The following STPG2 variants were observed in gnomAD, a reference collection of about 807,000 sequenced individuals.
The protein encoded by STPG2 is sperm tail PG-rich repeat containing 2.
In STPG2, 56 loss-of-function variants were observed where a neutral mutation model predicts 54.2. The observed-to-expected ratio is 1.03, with a 90% CI of 0.83 to 1.29. The LOEUF (loss-of-function observed/expected upper bound fraction) is 1.29, where lower values mean the gene tolerates loss of function less well. Ranked by LOEUF, STPG2 falls within the 50% of genes most tolerant of loss-of-function variation. The probability of loss-of-function intolerance (pLI) is 0.00; values close to 1 mark genes in which losing one functional copy is unlikely to be tolerated. For synonymous variants in STPG2, 200 were observed against 181.8 expected, an observed-to-expected ratio of 1.10 and a Z score of -0.81; for missense variants, 596 against 544.9, an observed-to-expected ratio of 1.09 and a Z score of -0.93.
chr4:97,715,940 A>G (rs1724272276), intron 9 of STPG2, among the ~76,000 whole-genome samples: 2 of 152,228 alleles, frequency 1.3e-5, no homozygotes, highest in Admixed American at 6.5e-5. Context: ...TTTGCAATCT[A>G]CCCATCTGAC....
At chr4:97,562,813 G>T (rs956012845) in intron 10 of STPG2, among the ~76,000 whole-genome samples, 1 of 152,078 alleles carries the variant, frequency 6.6e-6, no homozygotes, top group African/African-American at 2.4e-5. Context: ...CGGTGGATAA[G>T]CTTTGTGATG....
intron 4 of STPG2, among the ~76,000 whole-genome samples, chr4:97,549,809 G>A (rs192394165): frequency 6.6e-6 from 1 of 152,190 alleles, no homozygotes; most frequent in Non-Finnish European, 1.5e-5. Flanking sequence ...AGAGCACTGA[G>A]AGACAGTGTG....
intron 5 of STPG2, among the ~76,000 whole-genome samples, chr4:98,007,325 T>C (rs373089935): frequency 6.6e-6 from 1 of 152,070 alleles, no homozygotes; most frequent in African/African-American, 2.4e-5. Flanking sequence ...CTACAACCAA[T>C]ATTTGAGAAA....
chr4:97,687,138 A>C (rs950089850), intron 10 of STPG2, among the ~76,000 whole-genome samples: 1 of 151,242 alleles, frequency 6.6e-6, no homozygotes, highest in African/African-American at 2.4e-5. Context: ...TTTTAGTAGA[A>C]ACGGGGTTTC....
chr4:98,142,994 G>A, intron 1 of STPG2, 48 bp downstream of exon 1: 1 of 1,511,050 alleles, frequency 6.6e-7, no homozygotes, highest in Non-Finnish European at 9.1e-7. Flanking sequence ...GGAGCAGGCT[G>A]AAGATAGGAT....
At chr4:97,637,495 C>T (rs934878343) in intron 10 of STPG2, among the ~76,000 whole-genome samples, 1 of 151,970 alleles carries the variant, frequency 6.6e-6, no homozygotes, top group Non-Finnish European at 1.5e-5. Flanking sequence ...CTGGCCAGGG[C>T]AATTAGGCAG....
chr4:98,111,540 C>T (rs191082853), intron 3 of STPG2, among the ~76,000 whole-genome samples: 22 of 152,224 alleles, frequency 1.4e-4, no homozygotes, highest in Admixed American at 1.3e-4. Context: ...TTGAACTTAC[C>T]ACTAACACCT....
At chr4:98,119,490 A>G (rs575482137) in intron 3 of STPG2, among the ~76,000 whole-genome samples, 102 of 152,272 alleles carry the variant, frequency 6.7e-4, no homozygotes, top group African/African-American at 2.5e-3. Context: ...TGAACTCTGA[A>G]TCAAAAATCT....
At chr4:97,780,027 G>A (rs560210936) in intron 9 of STPG2, among the ~76,000 whole-genome samples, 19 of 148,468 alleles carry the variant, frequency 1.3e-4, no homozygotes, top group African/African-American at 2.0e-4. Flanking sequence ...CATCAATAAC[G>A]AGCAAAATAA....
intron 5 of STPG2, among the ~76,000 whole-genome samples, chr4:98,099,197 G>A (rs1738950692): frequency 6.6e-6 from 1 of 152,206 alleles, no homozygotes; most frequent in African/African-American, 2.4e-5. Flanking sequence ...CAGTAGCTAA[G>A]ATTTGGGAGC....
At chr4:98,124,276 G>C (rs1273347405) in intron 3 of STPG2, among the ~76,000 whole-genome samples, 1 of 152,086 alleles carries the variant, frequency 6.6e-6, no homozygotes, top group Non-Finnish European at 1.5e-5. Flanking sequence ...CAGTGTCATT[G>C]GCCTGTGAAC....
intron 10 of STPG2, among the ~76,000 whole-genome samples, chr4:97,694,694 T>C (rs1395805585): frequency 6.7e-6 from 1 of 150,360 alleles, no homozygotes; most frequent in Non-Finnish European, 1.5e-5. Context: ...GCACCTGTAG[T>C]CCCAGCTACT....
intron 5 of STPG2, among the ~76,000 whole-genome samples, chr4:98,074,926 C>T (rs1030842728): frequency 2.7e-5 from 4 of 146,484 alleles, no homozygotes; most frequent in Non-Finnish European, 6.0e-5. Flanking sequence ...TAATTAAGTG[C>T]TGTATATTAT....
downstream of STPG2, among the ~76,000 whole-genome samples, chr4:97,556,075 G>A (rs1443424222): frequency 6.6e-6 from 1 of 152,046 alleles, no homozygotes; most frequent in Non-Finnish European, 1.5e-5. Flanking sequence ...GAAATGAATG[G>A]AGTCATTATT....
At chr4:97,976,472 C>T (rs1439922542) in intron 6 of STPG2, among the ~76,000 whole-genome samples, 1 of 152,088 alleles carries the variant, frequency 6.6e-6, no homozygotes, top group Non-Finnish European at 1.5e-5. Context: ...CCATTCTGAT[C>T]ATATGGTTCA....
At chr4:97,592,669 G>T (rs1011404908) in intron 10 of STPG2, among the ~76,000 whole-genome samples, 2 of 152,104 alleles carry the variant, frequency 1.3e-5, no homozygotes, top group Non-Finnish European at 2.9e-5. Flanking sequence ...AGACACAGGT[G>T]CTGGGCTGAA....
intron 7 of STPG2, among the ~76,000 whole-genome samples, chr4:97,959,129 G>A (rs1733792581): frequency 1.3e-5 from 2 of 152,092 alleles, no homozygotes; most frequent in South Asian, 4.1e-4. Flanking sequence ...TGATCACTGG[G>A]TCAACAATGA....
chr4:97,894,005 G>A (rs961964698), intron 8 of STPG2, among the ~76,000 whole-genome samples: 8 of 151,926 alleles, frequency 5.3e-5, no homozygotes, highest in South Asian at 2.1e-4. Context: ...GTTTTCTTCC[G>A]TGCCAATAAC....
intron 9 of STPG2, among the ~76,000 whole-genome samples, chr4:97,730,303 T>C (rs928765074): frequency 9.9e-5 from 15 of 152,230 alleles, no homozygotes; most frequent in Non-Finnish European, 1.8e-4. Context: ...TGGCCTTCAG[T>C]TGCATCCATG....
Sources: allele counts gnomAD v4.1 joint callset (sites outside exome capture counted in the v4.1 genomes callset), GRCh38; gene constraint gnomAD v4.1.1; transcripts MANE v1.5; gene names NCBI Gene and HGNC (gene_info 2026-07-23, HGNC 2026-07-21).